The following PARVB variants were observed in gnomAD, a reference collection of about 807,000 sequenced individuals.
PARVB encodes the protein parvin beta.
In PARVB, 46 loss-of-function variants were observed where a neutral mutation model predicts 47.0. The observed-to-expected ratio is 0.98, with a 90% confidence interval of 0.77 to 1.25. The LOEUF is 1.25. Among genes scored for constraint, PARVB ranks in the 50% most tolerant of loss-of-function variants. The pLI is 0.00. For missense variants in PARVB, 473 were observed against 471.6 expected, an observed-to-expected ratio of 1.00 and a Z score of -0.03; for synonymous variants, 196 against 196.3, an observed-to-expected ratio of 1.00 and a Z score of 0.01.
intron 3 of PARVB, chr22:44,106,188 T>C (rs1427413111): frequency 7.6e-6 from 1 of 131,900 alleles, no homozygotes; most frequent in Non-Finnish European, 1.5e-5. Context: ...ACCTGTGAGA[T>C]GGCAGGGAGG....
intron 2 of PARVB, among the ~76,000 whole-genome samples, chr22:44,000,633 ATG>A (rs1173776055): frequency 6.6e-6 from 1 of 152,236 alleles, no homozygotes; most frequent in Non-Finnish European, 1.5e-5. Context: ...TATGAAGAAA[ATG>A]TGTTTTCACA....
chr22:44,032,920 A>G (rs1289888603), intron 1 of PARVB, among the ~76,000 whole-genome samples: 9 of 152,200 alleles, frequency 5.9e-5, no homozygotes, highest in Non-Finnish European at 1.3e-4. Flanking sequence ...TTCCAGCTCT[A>G]GTGCTGTGTC....
chr22:44,001,466 T>G (rs1473372987), intron 2 of PARVB, among the ~76,000 whole-genome samples: 1 of 152,214 alleles, frequency 6.6e-6, no homozygotes, highest in Middle Eastern at 3.2e-3. Flanking sequence ...ACACTTATAT[T>G]AGCCTACAGT....
chr22:44,115,977 C>T (rs1007048905), intron 3 of PARVB: 3 of 145,622 alleles, frequency 2.1e-5, no homozygotes, highest in Non-Finnish European at 3.0e-5. Flanking sequence ...CTAAGTAAGG[C>T]CCTGCACCAA....
intron 1 of PARVB, among the ~76,000 whole-genome samples, chr22:44,036,534 A>G (rs187102585): frequency 3.5e-3 from 530 of 152,292 alleles, no homozygotes; most frequent in South Asian, 6.2e-3. Context: ...AATTGTCACA[A>G]ATCTCCAAAA....
At chr22:44,062,934 T>A (rs577544143) in intron 1 of PARVB, among the ~76,000 whole-genome samples, 1 of 152,292 alleles carries the variant, frequency 6.6e-6, no homozygotes. Flanking sequence ...CCCTCTCCCC[T>A]TTCTGGAGGG....
chr22:44,066,780 TCTCCTCCTCCTCCTCCTC>T (rs199990350), intron 1 of PARVB, among the ~76,000 whole-genome samples: 4 of 48,076 alleles, frequency 8.3e-5, no homozygotes, highest in Admixed American at 6.6e-4. Flanking sequence ...CTTAATTATT[TCTCCTCCTCCTCCTCCTC>T]CTCCTCCTCC....
chr22:44,093,937 T>A lies in PARVB; in HGVS notation c.122T>A (p.Leu41Gln). ...TCCTTTTGCTCAACAGTGAGTGACC[T>A]GCAGGAAGAAGGCAAGAATGCCATC... ...RKRRAREVSD[L>Q]QEEGKNAINS... The change falls in exon 2 of 13, where the codon CTG becomes CAG. Residue 41 changes from leucine (L) to glutamine (Q), a missense_variant. Leu to Gln is a moderately radical substitution (Grantham distance 113, BLOSUM62 -2). Coordinates refer to ENST00000338758, the MANE Select transcript of PARVB (RefSeq NM_013327.5). 6.2e-7 allele frequency: 1 copy of A among 1,612,986 alleles called. No homozygotes were observed. The highest frequency in any genetic ancestry group is 1.1e-5 in the South Asian group (1 of 91,048).
chr22:44,025,212 G>A (rs2050709186), intron 1 of PARVB, among the ~76,000 whole-genome samples: 2 of 152,018 alleles, frequency 1.3e-5, no homozygotes, highest in South Asian at 4.1e-4. Flanking sequence ...AAGGCAGATG[G>A]AGAAAGGCCG....
At position 43,999,554 on chromosome 22, in the gene PARVB, G is replaced by A. The variant is rs61756149; in HGVS notation, c.92G>A (p.Arg31His). ...TGCAGCAGGAGGCTGGAGCTGAGAC[G>A]TGGGTGTTCCTGCAGCTGGGGCCTG... Residue 31 changes from arginine (R) to histidine (H), a missense_variant, in exon 2 of 14, where the codon CGT (arginine) becomes CAT (histidine). Arg to His is a conservative substitution (Grantham distance 29). Transcript: ENST00000406477. 1,237 of 1,599,088 alleles carry A rather than the reference G, an allele frequency of 7.7e-4. 9 individuals are homozygous for A. The African/African-American group carries it at 0.015, about 19-fold the overall frequency.
intron 2 of PARVB, among the ~76,000 whole-genome samples, chr22:44,097,747 T>C (rs1206006106): frequency 6.6e-6 from 1 of 152,166 alleles, no homozygotes; most frequent in East Asian, 1.9e-4. Context: ...AGGCCCACTG[T>C]TCCCCTCTAG....
In PARVB at chr22:44,171,792, C is replaced by T. The variant is rs1390399295; in HGVS notation, c.*3114C>T. The T allele has an allele frequency of 4.1e-5, 6 of 147,896 alleles. No individual in the cohort carries two copies. Among genetic ancestry groups the T allele is most frequent in the Admixed American group, 6.7e-5 (1 of 14,836 alleles). The allele number at this position is 147,896 out of a possible 1,614,324, so 9.2% of individuals were successfully genotyped here. A position where few individuals can be genotyped will look rare whatever the true frequency, so the allele number is the denominator to read the frequency against. ...GTTTCACAACAGGGACCCTTAAAGGCGATGTTTCCAGCAAAGGATGTGATT... is the reference window on the plus strand; with the variant it reads ...GTTTCACAACAGGGACCCTTAAAGGTGATGTTTCCAGCAAAGGATGTGATT... On this transcript the variant is annotated 3_prime_UTR_variant, in exon 13 of 13. Coordinates refer to ENST00000338758, the MANE Select transcript of PARVB (RefSeq NM_013327.5).
intron 2 of PARVB, among the ~76,000 whole-genome samples, chr22:44,099,573 T>C (rs2052392733): frequency 6.6e-6 from 1 of 152,184 alleles, no homozygotes; most frequent in East Asian, 1.9e-4. Flanking sequence ...CTGCATGTTA[T>C]TTTACATACA....
At chr22:44,141,988 C>A (rs536659515) in intron 8 of PARVB, 1 of 152,218 alleles carries the variant, frequency 6.6e-6, no homozygotes, top group South Asian at 2.1e-4. Context: ...TAGGTAGAGG[C>A]GCGTTTTGGG....
chr22:44,044,495 T>C (rs1245380067), intron 1 of PARVB, among the ~76,000 whole-genome samples: 1 of 147,228 alleles, frequency 6.8e-6, no homozygotes, highest in African/African-American at 2.5e-5. Context: ...CGGCCTGTTT[T>C]GTATTTTTGA....
chr22:44,134,277 C>CTGG lies in PARVB; in HGVS notation c.633+1277_633+1279dup, dbSNP rs377258361. On this transcript the variant is annotated intron_variant, in intron 6 of 12. Coordinates refer to ENST00000338758, the MANE Select transcript of PARVB (RefSeq NM_013327.5). ...TCCTTCCTAAGGAGGATGTTTGTGG[C>CTGG]TGGTGGTGGTGACTCGGGACCTGGG... is the stretch of plus-strand genomic sequence containing the variant. Among the ~76,000 whole-genome samples, 958 of 152,280 alleles carry CTGG rather than the reference C, an allele frequency of 6.3e-3. 7 individuals carry two copies. The highest frequency in any genetic ancestry group is 0.021 in the African/African-American group (859 of 41,564).
In PARVB at chr22:44,100,080, A is replaced by C; in HGVS notation, c.230A>C (p.Asp77Ala). ...GAGAACGAGGAGCGCACGATGATTG[A>C]CCCCACTTCCAAGGAAGACCCCAAG... Reference protein sequence around the residue: ...LEENEERTMIDPTSKEDPKFK... With the variant: ...LEENEERTMIAPTSKEDPKFK... Residue 77 changes from aspartate (D) to alanine (A), a missense_variant, in exon 3 of 13, where the codon GAC (aspartate) becomes GCC (alanine). Transcript: ENST00000338758. 1 of 1,613,970 alleles carries C rather than the reference A, an allele frequency of 6.2e-7. No homozygotes were observed. Among genetic ancestry groups the C allele is most frequent in the Non-Finnish European group, 8.5e-7 (1 of 1,179,956 alleles).
rs1401109701 is a variant in PARVB at position 44,061,387 on chromosome 22, C to T, written c.113-32541C>T. ...CAGAGGTTGCAGTGAGCCGAAGTCA[C>T]GTCACTGTACTCCAGCCTGGGCATC... On this transcript the variant is annotated intron_variant, in intron 1 of 12. Coordinates refer to ENST00000338758, the MANE Select transcript of PARVB (RefSeq NM_013327.5). 8.6e-5 allele frequency among the ~76,000 whole-genome samples: 13 copies of T among 150,500 alleles called. No individual in the cohort carries two copies. The South Asian group carries it at 2.3e-3, about 27-fold the overall frequency.
upstream of PARVB, among the ~76,000 whole-genome samples, chr22:44,021,665 A>G (rs1450981877): frequency 6.6e-6 from 1 of 151,970 alleles, no homozygotes; most frequent in Non-Finnish European, 1.5e-5. Context: ...CATAAATATC[A>G]TCATCTCACA....
Sources: gnomAD v4.1 joint callset for allele counts (sites outside exome capture counted in the v4.1 genomes callset) on GRCh38, gnomAD v4.1.1 for gene constraint, MANE v1.5 for transcripts, NCBI Gene and HGNC (gene_info 2026-07-23, HGNC 2026-07-21) for gene names.